MTHFD2L: variants seen among roughly 807,000 people sequenced by gnomAD.
MTHFD2L encodes the protein methylenetetrahydrofolate dehydrogenase (NADP+ dependent) 2 like.
A neutral mutation model predicts 34.9 loss-of-function variants in MTHFD2L; 29 were observed. The ratio of observed to expected loss-of-function variants is 0.83; its 90% CI spans 0.62 to 1.13. MTHFD2L has a LOEUF of 1.13. MTHFD2L is among the 50% of genes most tolerant of loss of function. The pLI is 0.00. For missense variants in MTHFD2L, 481 were observed against 446.5 expected, an observed-to-expected ratio of 1.08 and a Z score of -0.70; for synonymous variants, 167 against 155.7, an observed-to-expected ratio of 1.07 and a Z score of -0.54.
At chr4:74,165,060 C>T in intron 1 of MTHFD2L, 1 of 886,848 alleles carries the variant, frequency 1.1e-6, no homozygotes, top group Non-Finnish European at 1.4e-6. Flanking sequence ...TTTGGCCAAA[C>T]TAGCACATTT....
intron 6 of MTHFD2L, among the ~76,000 whole-genome samples, chr4:74,275,003 T>A (rs1746431498): frequency 6.6e-6 from 1 of 152,178 alleles, no homozygotes; most frequent in South Asian, 2.1e-4. Context: ...GCAGGTTTAT[T>A]ACATAGGTAT....
At chr4:74,290,275 C>T (rs1322703896) in intron 7 of MTHFD2L, among the ~76,000 whole-genome samples, 1 of 152,160 alleles carries the variant, frequency 6.6e-6, no homozygotes, top group Non-Finnish European at 1.5e-5. Context: ...TAAGAAACTA[C>T]TAGAGATGAG....
chr4:74,121,487 G>T (rs529422234), upstream of MTHFD2L, among the ~76,000 whole-genome samples: 1 of 150,268 alleles, frequency 6.7e-6, no homozygotes, highest in African/African-American at 2.5e-5. Context: ...TATACTGCAG[G>T]TGTCACTGCC....
At chr4:74,255,949 G>T (rs1405464933) in intron 6 of MTHFD2L, among the ~76,000 whole-genome samples, 2 of 152,180 alleles carry the variant, frequency 1.3e-5, no homozygotes, top group East Asian at 1.9e-4. Context: ...AAAGAGTGCT[G>T]CAGTGGACAT....
chr4:74,286,734 C>T (rs1455690863), intron 7 of MTHFD2L, among the ~76,000 whole-genome samples: 1 of 152,128 alleles, frequency 6.6e-6, no homozygotes. Flanking sequence ...AGTAGCTTTG[C>T]TTCAATTTTA....
chr4:74,189,323 T>C (rs1323200435), intron 3 of MTHFD2L, among the ~76,000 whole-genome samples: 1 of 152,018 alleles, frequency 6.6e-6, no homozygotes, highest in Non-Finnish European at 1.5e-5. Flanking sequence ...AAAGCCATCC[T>C]CACACAATAT....
intron 2 of MTHFD2L, among the ~76,000 whole-genome samples, chr4:74,117,873 A>T (rs984533634): frequency 6.6e-6 from 1 of 152,186 alleles, no homozygotes; most frequent in Non-Finnish European, 1.5e-5. Context: ...AACAGATGCA[A>T]AGTCCTGTCC....
intron 5 of MTHFD2L, among the ~76,000 whole-genome samples, chr4:74,225,015 C>G (rs1738916275): frequency 1.3e-5 from 2 of 152,226 alleles, no homozygotes; most frequent in Admixed American, 1.3e-4. Context: ...AAGCAGTCAA[C>G]ACAGAATTTT....
At chr4:74,158,045 G>A (rs991779534), upstream of MTHFD2L, 24 of 1,517,618 alleles carry the variant, frequency 1.6e-5, no homozygotes, top group African/African-American at 2.6e-4. Flanking sequence ...TTGCTGCCCT[G>A]CCAGCCCGGG....
At chr4:74,293,853 C>T (rs890754947) in intron 7 of MTHFD2L, among the ~76,000 whole-genome samples, 1 of 152,126 alleles carries the variant, frequency 6.6e-6, no homozygotes, top group Non-Finnish European at 1.5e-5. Flanking sequence ...TGAGAGGCCA[C>T]GCTTAAGTGG....
intron 3 of MTHFD2L, among the ~76,000 whole-genome samples, chr4:74,198,469 AC>A (rs1322678117): frequency 6.6e-6 from 1 of 151,898 alleles, no homozygotes; most frequent in African/African-American, 2.4e-5. Context: ...AAAAATAGAT[AC>A]TCCAAATATA....
Position 74,301,844 on chromosome 4 carries a change from C to G in MTHFD2L, c.*35C>G. 7.4e-7 allele frequency: 1 copy of G among 1,343,602 alleles called. No homozygotes were observed. Among genetic ancestry groups the G allele is most frequent in the Non-Finnish European group, 1.0e-6 (1 of 956,234 alleles). The allele number at this position is 1,343,602 out of a possible 1,614,324, so 83.2% of individuals were successfully genotyped here. A position where few individuals can be genotyped will look rare whatever the true frequency, so the allele number is the denominator to read the frequency against. ...AAGGATAAAGCAAACTGAAGTCATG[C>G]TATTTGTTTATTTGACAAAGGGTAA... On this transcript the variant is annotated 3_prime_UTR_variant, in exon 8 of 8. Coordinates refer to ENST00000325278, the MANE Select transcript of MTHFD2L (RefSeq NM_001144978.3).
chr4:74,227,135 A>T (rs544907087), intron 6 of MTHFD2L, among the ~76,000 whole-genome samples: 6 of 152,138 alleles, frequency 3.9e-5, no homozygotes, highest in African/African-American at 1.4e-4. Context: ...CACTAGTAGG[A>T]TATCTGAAGG....
rs749624887 is a variant in MTHFD2L at position 74,225,395 on chromosome 4, G to GT, written c.805+2dup. On this transcript the variant is annotated splice_donor_variant, in intron 6 of 7. Coordinates refer to ENST00000325278, the MANE Select transcript of MTHFD2L (RefSeq NM_001144978.3). LOFTEE classifies it high-confidence loss of function. Reference sequence around the variant, plus strand: ...GCAGATATTATCATAGTTGCTGCAGGTAAGTCCTTAGTGACTGTTATTTTT... The same window carrying GT: ...GCAGATATTATCATAGTTGCTGCAGGTTAAGTCCTTAGTGACTGTTATTTTT... 6.2e-6 allele frequency: 10 copies of GT among 1,611,216 alleles called. No individual in the cohort carries two copies. Among genetic ancestry groups the GT allele is most frequent in the Middle Eastern group, 3.3e-4 (2 of 6,064 alleles).
In MTHFD2L at chr4:74,199,894, TTC is replaced by T. The variant is rs1560478994; in HGVS notation, c.557_558del (p.Leu186HisfsTer44). 30 of 1,614,064 alleles carry T rather than the reference TTC, an allele frequency of 1.9e-5. No homozygotes were observed. The highest frequency in any genetic ancestry group is 2.5e-5 in the Non-Finnish European group (30 of 1,179,992). On this transcript the variant is annotated frameshift_variant, in exon 4 of 8. Transcript: ENST00000325278. LOFTEE classifies it high-confidence loss of function. ...NIGRLCLDQH[S>X]LIPATASAVW... is the part of the protein sequence containing the mutation. ...TTGGAAGATTGTGCCTTGATCAGCA[TTC>T]TCTCATACCTGCCACTGCCAGTGCT...
At position 74,281,516 on chromosome 4, in the gene MTHFD2L, A is replaced by G; in HGVS notation, c.897A>G (p.Gly299=). The G allele has an allele frequency of 1.2e-6, 2 of 1,612,638 alleles. No individual in the cohort carries two copies. Among genetic ancestry groups the G allele is most frequent in the Middle Eastern group, 1.7e-4 (1 of 6,038 alleles). The change falls in exon 7 of 8, where the codon GGA becomes GGG. Residue 299 remains glycine, a synonymous_variant. Transcript: ENST00000325278. ...GINYVHDPVT[G]KTKLVGDVDF... is the part of the protein sequence containing the mutation. The stretch of plus-strand genomic sequence containing the variant: ...ACTATGTCCACGATCCAGTGACAGG[A>G]AAGACAAAATTAGTTGGAGATGTGG...
chr4:74,237,607 C>A (rs1267046850), intron 6 of MTHFD2L, among the ~76,000 whole-genome samples: 2 of 151,982 alleles, frequency 1.3e-5, no homozygotes, highest in Non-Finnish European at 2.9e-5. Flanking sequence ...GAGACAGACT[C>A]TGTCTGAAAA....
intron 1 of MTHFD2L, among the ~76,000 whole-genome samples, chr4:74,134,847 C>T (rs1447959180): frequency 6.6e-6 from 1 of 151,790 alleles, no homozygotes; most frequent in African/African-American, 2.4e-5. Context: ...GGGATCTCAA[C>T]CACAGAATAG....
At chr4:74,190,008 G>A (rs1000320549) in intron 3 of MTHFD2L, among the ~76,000 whole-genome samples, 1 of 151,996 alleles carries the variant, frequency 6.6e-6, no homozygotes, top group Non-Finnish European at 1.5e-5. Context: ...CTAGGTACCC[G>A]GGGAAAAGGT....
Sources: gnomAD v4.1 joint callset for allele counts (sites outside exome capture counted in the v4.1 genomes callset) on GRCh38, gnomAD v4.1.1 for gene constraint, MANE v1.5 for transcripts, NCBI Gene and HGNC (gene_info 2026-07-23, HGNC 2026-07-21) for gene names.